LDAH: variants seen among roughly 807,000 people sequenced by gnomAD.
The protein encoded by LDAH is lipid droplet associated hydrolase, also known as lipid droplet-associated hydrolase.
Under a neutral mutation model 29.6 loss-of-function variants are expected in LDAH, and 26 were observed. That is an observed-to-expected ratio of 0.88 (90% CI 0.64 to 1.22). The LOEUF (loss-of-function observed/expected upper bound fraction) is 1.22, where lower values mean the gene tolerates loss of function less well. LDAH is among the 50% of genes most tolerant of loss of function. LDAH has a pLI of 0.00. For synonymous variants in LDAH, 117 were observed against 133.0 expected (o/e 0.88, Z 0.83); for missense variants, 344 against 387.3 (o/e 0.89, Z 0.94).
rs528616535 is a variant in LDAH, at chr2:20,711,184, C to T, written c.704-9532G>A. On this transcript the variant is annotated intron_variant, in intron 5 of 6. Coordinates refer to ENST00000237822, the MANE Select transcript of LDAH (RefSeq NM_021925.4). Reference sequence around the variant, plus strand: ...CGGGCGGATCACAAGGTCAGGAGATCGAGACCATCCTGGCTAACATGGTGA... The same window carrying T: ...CGGGCGGATCACAAGGTCAGGAGATTGAGACCATCCTGGCTAACATGGTGA... Among the ~76,000 whole-genome samples, 443 of 151,924 alleles carry T rather than the reference C, an allele frequency of 2.9e-3. 2 individuals are homozygous for T. The highest frequency in any genetic ancestry group is 0.01 in the African/African-American group (419 of 41,438).
intron 2 of LDAH, among the ~76,000 whole-genome samples, chr2:20,796,822 T>G (rs980927192): frequency 1.3e-5 from 2 of 152,156 alleles, no homozygotes; most frequent in African/African-American, 4.8e-5. Context: ...TATCTTTTCA[T>G]GAGCTGGAAA....
At position 20,744,019 on chromosome 2, in the gene LDAH, C is replaced by T. The variant is rs898962908; in HGVS notation, c.469-3814G>A. On this transcript the variant is annotated intron_variant, in intron 4 of 6. Coordinates refer to ENST00000237822, the MANE Select transcript of LDAH (RefSeq NM_021925.4). Reference sequence around the variant, plus strand: ...GCCCATCAAAGCCATTTTTATTTTACGGTGTTTTTACTCTCTAGCATTTCT... The same window carrying T: ...GCCCATCAAAGCCATTTTTATTTTATGGTGTTTTTACTCTCTAGCATTTCT... Among the ~76,000 whole-genome samples, 8 of 151,808 alleles carry T rather than the reference C, an allele frequency of 5.3e-5. No individual in the cohort carries two copies. The East Asian group carries it at 9.7e-4, about 18-fold the overall frequency.
chr2:20,817,446 C>T (rs185096159), intron 1 of LDAH, among the ~76,000 whole-genome samples: 39 of 152,152 alleles, frequency 2.6e-4, no homozygotes, highest in African/African-American at 9.1e-4. Flanking sequence ...TCTCTCATAC[C>T]TATACCTTAA....
chr2:20,690,452 A>G (rs1662922821), intron 6 of LDAH, among the ~76,000 whole-genome samples: 2 of 152,328 alleles, frequency 1.3e-5, no homozygotes, highest in Admixed American at 6.5e-5. Context: ...CACGTTTTGT[A>G]AAATTTTGTT....
rs143600812 is a variant in LDAH at position 20,711,371 on chromosome 2, C to T, written c.704-9719G>A. Among the ~76,000 whole-genome samples the T allele has an allele frequency of 1.6e-4, 24 of 147,132 alleles. No individual in the cohort carries two copies. In the East Asian group the frequency reaches 2.2e-3, roughly 14 times the overall value. On this transcript the variant is annotated intron_variant, in intron 5 of 6. Transcript: ENST00000237822. Reference sequence around the variant, plus strand: ...CTGCACTCTAGCCTCGGCGACAGAGCGAGAGTCCGTATCAAAAAAAAAAAA... The same window carrying T: ...CTGCACTCTAGCCTCGGCGACAGAGTGAGAGTCCGTATCAAAAAAAAAAAA...
chr2:20,751,750 T>C (rs185930575), intron 4 of LDAH, among the ~76,000 whole-genome samples: 52 of 152,248 alleles, frequency 3.4e-4, no homozygotes, highest in African/African-American at 1.2e-3. Flanking sequence ...GCACAACAAA[T>C]ATAAAACTCA....
intron 6 of LDAH, among the ~76,000 whole-genome samples, chr2:20,697,989 A>G (rs958490612): frequency 9.2e-5 from 14 of 152,238 alleles, no homozygotes; most frequent in African/African-American, 3.4e-4. Flanking sequence ...GACTGCTATT[A>G]TATCTCATTA....
At chr2:20,724,811 G>A (rs945073803) in intron 5 of LDAH, among the ~76,000 whole-genome samples, 1 of 152,228 alleles carries the variant, frequency 6.6e-6, no homozygotes, top group South Asian at 2.1e-4. Context: ...AAGGTGGCAA[G>A]CCAAGTTGTG....
intron 4 of LDAH, among the ~76,000 whole-genome samples, chr2:20,757,805 T>C (rs992568697): frequency 9.9e-5 from 15 of 152,106 alleles, no homozygotes; most frequent in Admixed American, 2.6e-4. Context: ...TTTTTTTCTG[T>C]CTTCAGACTC....
rs185971604 is a variant in LDAH at position 20,712,674 on chromosome 2, A to G, written c.704-11022T>C. Among the ~76,000 whole-genome samples the G allele has an allele frequency of 5.7e-4, 87 of 152,352 alleles. No homozygotes were observed. In the East Asian group the frequency reaches 0.012, roughly 21 times the overall value. On this transcript the variant is annotated intron_variant, in intron 5 of 6. Coordinates refer to ENST00000237822, the MANE Select transcript of LDAH (RefSeq NM_021925.4). ...AGGTGAATGGCTAACTAGAATAAAC[A>G]GTGTAGAGAAGACCTTAAATGACCT...
intron 4 of LDAH, among the ~76,000 whole-genome samples, chr2:20,758,406 G>A (rs987054931): frequency 6.6e-6 from 1 of 152,196 alleles, no homozygotes; most frequent in African/African-American, 2.4e-5. Context: ...AATTGAGGAT[G>A]TAACAGATGA....
At chr2:20,754,019 G>A (rs776305877) in intron 4 of LDAH, among the ~76,000 whole-genome samples, 11 of 152,110 alleles carry the variant, frequency 7.2e-5, no homozygotes, top group Non-Finnish European at 1.5e-4. Context: ...AGAATATTGA[G>A]TTCTAATGGG....
chr2:20,772,823 C>T (rs1190756520), intron 4 of LDAH, among the ~76,000 whole-genome samples: 2 of 152,150 alleles, frequency 1.3e-5, no homozygotes, highest in Non-Finnish European at 1.5e-5. Context: ...GCTCTCTGTC[C>T]AACAACTCTC....
rs576934690 is a variant in LDAH at position 20,698,230 on chromosome 2, G to A, written c.786+3340C>T. ...CCCTAGGGGACATCAAGACGAAGAA[G>A]ACACAGCTCCTTACCTCAACGTGGG... On this transcript the variant is annotated intron_variant, in intron 6 of 6. Coordinates refer to ENST00000237822, the MANE Select transcript of LDAH (RefSeq NM_021925.4). This position sits in a 1 kb window ranked among gnomAD's most constrained non-coding sequence, Gnocchi z 4.4. 1.3e-5 allele frequency among the ~76,000 whole-genome samples: 2 copies of A among 152,358 alleles called. No homozygotes were observed. Among genetic ancestry groups the A allele is most frequent in the South Asian group, 4.1e-4 (2 of 4,828 alleles).
chr2:20,736,320 T>A (rs981304620), intron 5 of LDAH, among the ~76,000 whole-genome samples: 4 of 152,050 alleles, frequency 2.6e-5, no homozygotes, highest in African/African-American at 9.7e-5. Flanking sequence ...CAGGCACCTG[T>A]AGTTCCAACT....
At position 20,802,762 on chromosome 2, in the gene LDAH, A is replaced by G. The variant is rs868731881; in HGVS notation, c.-2-1297T>C. The stretch of plus-strand genomic sequence containing the variant: ...TTTGCTCATATTTAATTCTCCAACC[A>G]TATTTAATCCCATAACTGTACTTTG... On this transcript the variant is annotated intron_variant, in intron 1 of 6. Coordinates refer to ENST00000237822, the MANE Select transcript of LDAH (RefSeq NM_021925.4). 3.3e-5 allele frequency among the ~76,000 whole-genome samples: 5 copies of G among 152,236 alleles called. No homozygotes were observed. In the South Asian group the frequency reaches 8.3e-4, roughly 25 times the overall value.
Position 20,685,354 on chromosome 2 carries a change from G to A in LDAH, c.*1549C>T, listed in dbSNP as rs1166980412. 10 of 660,060 alleles carry A rather than the reference G, an allele frequency of 1.5e-5. No homozygotes were observed. The highest frequency in any genetic ancestry group is 1.5e-4 in the African/African-American group (8 of 54,192). The allele number at this position is 660,060 out of a possible 1,614,324, so 40.9% of individuals were successfully genotyped here. A position where few individuals can be genotyped will look rare whatever the true frequency, so the allele number is the denominator to read the frequency against. Reference sequence around the variant, plus strand: ...CCATGATTCCTAGCTTCTAACATCCGATTTCTAGGCCTCTCATGCAGATGC... The same window carrying A: ...CCATGATTCCTAGCTTCTAACATCCAATTTCTAGGCCTCTCATGCAGATGC... On this transcript the variant is annotated 3_prime_UTR_variant, in exon 7 of 7. Transcript: ENST00000237822.
rs552663675 is a variant in LDAH, at chr2:20,814,578, C to T, written c.-3+8459G>A. On this transcript the variant is annotated intron_variant, in intron 1 of 6. Transcript: ENST00000237822. ...TGGGCTCAAGTGATCCTCCAGCCTC[C>T]GCCCCACAAGTAGCTGAGACTATAG... Among the ~76,000 whole-genome samples the T allele has an allele frequency of 5.9e-4, 90 of 152,190 alleles. 1 individual carries two copies. Among genetic ancestry groups the T allele is most frequent in the African/African-American group, 1.6e-3 (68 of 41,520 alleles).
chr2:20,727,104 A>G (rs1666072812), intron 5 of LDAH, among the ~76,000 whole-genome samples: 1 of 152,198 alleles, frequency 6.6e-6, no homozygotes, highest in African/African-American at 2.4e-5. Flanking sequence ...GGGGCCGGGC[A>G]TGACGGCTCA....
Sources: gnomAD v4.1 joint callset for allele counts (sites outside exome capture counted in the v4.1 genomes callset) on GRCh38, gnomAD v4.1.1 for gene constraint, Gnocchi (gnomAD v3.1) non-coding constraint, MANE v1.5 for transcripts, NCBI Gene and HGNC (gene_info 2026-07-23, HGNC 2026-07-21) for gene names.